SNRNP48: variants seen among roughly 807,000 people sequenced by gnomAD.
SNRNP48 encodes the protein small nuclear ribonucleoprotein U11/U12 subunit 48, also known as U11/U12 small nuclear ribonucleoprotein 48 kDa protein.
In SNRNP48, 43 loss-of-function variants were observed where a neutral mutation model predicts 47.0. The observed-to-expected ratio is 0.92, with a 90% CI of 0.72 to 1.18. SNRNP48 has a LOEUF of 1.18. SNRNP48 is among the 50% of genes most tolerant of loss of function. SNRNP48 has a pLI of 0.00. For missense variants in SNRNP48, 396 were observed against 422.2 expected (o/e 0.94, Z 0.54); for synonymous variants, 138 against 144.0 (o/e 0.96, Z 0.30).
chr6:7,590,396 G>A lies in SNRNP48; in HGVS notation c.139G>A (p.Glu47Lys). The change falls in exon 1 of 9, where the codon GAA becomes AAA. Residue 47 changes from glutamate to lysine, a missense_variant. Coordinates refer to ENST00000342415, the MANE Select transcript of SNRNP48 (RefSeq NM_152551.4). The stretch of plus-strand genomic sequence containing the variant: ...GGACCTAGATAGTCTGGATCCCGGG[G>A]AAGAGGAGGCGGCGGAGGTGAGGAG... ...GWDLDSLDPG[E>K]EEAAEDEVVI... 2 of 1,326,070 alleles carry A rather than the reference G, an allele frequency of 1.5e-6. No individual in the cohort carries two copies. Among genetic ancestry groups the A allele is most frequent in the Non-Finnish European group, 1.9e-6 (2 of 1,026,270 alleles). 82.1% of individuals were successfully genotyped at this position (1,326,070 alleles called of 1,614,324 possible).
At chr6:7,590,458 G>T (rs557590299) in intron 1 of SNRNP48, 45 bp downstream of exon 1, 78 of 1,268,012 alleles carry the variant, frequency 6.2e-5, no homozygotes, top group Non-Finnish European at 7.3e-5. Flanking sequence ...TATCGGCCCG[G>T]GGTCTTCTCT....
chr6:7,600,316 C>T, intron 4 of SNRNP48: 2 of 518,090 alleles, frequency 3.9e-6, no homozygotes, highest in Non-Finnish European at 5.0e-6. Flanking sequence ...TTTGCCTCTA[C>T]CTAGGAACTT....
chr6:7,602,769 A>T (rs559252286), intron 6 of SNRNP48, 25 bp downstream of exon 6: 1 of 1,515,170 alleles, frequency 6.6e-7, no homozygotes, highest in East Asian at 2.4e-5. Context: ...ATCTTTGTTG[A>T]TAAGAATTTC....
intron 6 of SNRNP48, 144 bp from the exon 7 acceptor site, chr6:7,605,254 T>C: frequency 1.6e-6 from 1 of 614,624 alleles, no homozygotes; most frequent in South Asian, 2.3e-5. Context: ...CTTTTCTGTG[T>C]TCTCTAAACT....
rs368997607 is a variant in SNRNP48, at chr6:7,593,864, A to G, written c.270+17A>G. On this transcript the variant is annotated intron_variant, in intron 2 of 8. Transcript: ENST00000342415. ...GAAGAAGAGGTACCATATATTTACT[A>G]TATTATATATACATATATGTCATGC... 598 of 1,451,644 alleles carry G rather than the reference A, an allele frequency of 4.1e-4. 8 individuals carry two copies. Among genetic ancestry groups the G allele is most frequent in the South Asian group, 4.0e-3 (310 of 77,268 alleles). 89.9% of individuals were successfully genotyped at this position (1,451,644 alleles called of 1,614,324 possible).
At position 7,601,242 on chromosome 6, in the gene SNRNP48, C is replaced by T. The variant is rs1008555251; in HGVS notation, c.407-94C>T. 1.5e-5 allele frequency: 15 copies of T among 979,028 alleles called. No homozygotes were observed. The Admixed American group carries it at 4.2e-4, about 27-fold the overall frequency. 60.6% of individuals were successfully genotyped at this position (979,028 alleles called of 1,614,324 possible). ...ATGAAAAAAGTTTGTGTTAATATTG[C>T]ATTATTAAAGCACATGTTTAAAGAT... On this transcript the variant is annotated intron_variant, in intron 4 of 8. Transcript: ENST00000342415.
At chr6:7,600,056 C>G in intron 4 of SNRNP48, 5 of 996,572 alleles carry the variant, frequency 5.0e-6, no homozygotes, top group Non-Finnish European at 6.0e-6. Context: ...CTTATCAAAG[C>G]TGTTTTTATA....
intron 8 of SNRNP48, among the ~76,000 whole-genome samples, 166 bp downstream of exon 8, chr6:7,606,361 A>G (rs1274514987): frequency 1.3e-5 from 2 of 152,228 alleles, no homozygotes; most frequent in Non-Finnish European, 2.9e-5. Flanking sequence ...GTTCAGTTCA[A>G]ATAACCACCA....
chr6:7,595,000 A>C, intron 3 of SNRNP48, 27 bp from the exon 4 acceptor site: 1 of 1,527,676 alleles, frequency 6.5e-7, no homozygotes, highest in Non-Finnish European at 8.9e-7. Flanking sequence ...TTCATATTGT[A>C]TTTATGGATT....
At chr6:7,593,890 A>G in intron 2 of SNRNP48, 43 bp downstream of exon 2, 1 of 1,352,760 alleles carries the variant, frequency 7.4e-7, no homozygotes, top group South Asian at 1.4e-5. Flanking sequence ...TATGTCATGC[A>G]TTTTACACAT....
At chr6:7,601,783 T>A (rs1360430814) in intron 5 of SNRNP48, among the ~76,000 whole-genome samples, 1 of 152,196 alleles carries the variant, frequency 6.6e-6, no homozygotes, top group Admixed American at 6.5e-5. Flanking sequence ...TTTATTCTTG[T>A]CATAATTCCA....
rs565884428 is a variant in SNRNP48 at position 7,610,281 on chromosome 6, T to C, written c.*1408T>C. The stretch of plus-strand genomic sequence containing the variant: ...ACAGAAAGATTGGATTTGGATCAGA[T>C]TGGCTGTTAGGCTTCAGGTATGGGA... On this transcript the variant is annotated 3_prime_UTR_variant, in exon 9 of 9. Coordinates refer to ENST00000342415, the MANE Select transcript of SNRNP48 (RefSeq NM_152551.4). 1.1e-4 allele frequency: 17 copies of C among 152,362 alleles called. No homozygotes were observed. In the South Asian group the frequency reaches 3.5e-3, roughly 32 times the overall value. 9.4% of individuals were successfully genotyped at this position (152,362 alleles called of 1,614,324 possible).
At chr6:7,603,257 G>A (rs943848724) in intron 6 of SNRNP48, among the ~76,000 whole-genome samples, 2 of 151,906 alleles carry the variant, frequency 1.3e-5, no homozygotes, top group Admixed American at 6.6e-5. Flanking sequence ...GTAAATATTT[G>A]GACTTAAGAA....
intron 4 of SNRNP48, among the ~76,000 whole-genome samples, chr6:7,596,828 T>TA (rs896949735): frequency 1.3e-5 from 2 of 152,202 alleles, no homozygotes; most frequent in Admixed American, 1.3e-4. Flanking sequence ...AGTGTACCCA[T>TA]AAAAAAGTTG....
chr6:7,590,432 G>A lies in SNRNP48; in HGVS notation c.156+19G>A. ...GGCGGAGGTGAGGAGCGCGGCCGCGGGGCCCTTTCGGGGACTATCGGCCCG... is the reference window on the plus strand; with the variant it reads ...GGCGGAGGTGAGGAGCGCGGCCGCGAGGCCCTTTCGGGGACTATCGGCCCG... On this transcript the variant is annotated intron_variant, in intron 1 of 8. Transcript: ENST00000342415. The A allele has an allele frequency of 7.8e-7, 1 of 1,281,350 alleles. No individual in the cohort carries two copies. The highest frequency in any genetic ancestry group is 1.0e-6 in the Non-Finnish European group (1 of 1,004,366). The allele number at this position is 1,281,350 out of a possible 1,614,324, so 79.4% of individuals were successfully genotyped here.
In SNRNP48 at chr6:7,601,565, A is replaced by T. The variant is rs80307762; in HGVS notation, c.595+41A>T. 1,843 of 1,480,034 alleles carry T rather than the reference A, an allele frequency of 1.2e-3. 36 individuals carry two copies. In the East Asian group the frequency reaches 0.041, roughly 33 times the overall value. 91.7% of individuals were successfully genotyped at this position (1,480,034 alleles called of 1,614,324 possible). ...CATGGCTTTACATTTCTTCATTATC[A>T]TTTTATTCTATGAGTGTTATTAAGA... On this transcript the variant is annotated intron_variant, in intron 5 of 8. Transcript: ENST00000342415.
chr6:7,592,019 C>T (rs1172459601), intron 1 of SNRNP48, among the ~76,000 whole-genome samples: 1 of 152,036 alleles, frequency 6.6e-6, no homozygotes, highest in East Asian at 1.9e-4. Context: ...AGGGGTAATA[C>T]GGATAACTGA....
intron 6 of SNRNP48, among the ~76,000 whole-genome samples, 188 bp downstream of exon 6, chr6:7,602,932 C>A (rs1760057830): frequency 6.6e-6 from 1 of 152,160 alleles, no homozygotes; most frequent in East Asian, 1.9e-4. Context: ...AGTATAAGAA[C>A]CTTATATAAA....
At chr6:7,599,580 A>G in intron 4 of SNRNP48, 2 of 667,522 alleles carry the variant, frequency 3.0e-6, no homozygotes, top group Non-Finnish European at 4.3e-6. Context: ...TTATTTAAGT[A>G]TGTTTATCCT....
Sources: gnomAD v4.1 joint callset for allele counts (sites outside exome capture counted in the v4.1 genomes callset) on GRCh38, gnomAD v4.1.1 for gene constraint, MANE v1.5 for transcripts, NCBI Gene and HGNC (gene_info 2026-07-23, HGNC 2026-07-21) for gene names.